The following AGAP1 variants were observed in gnomAD, a reference collection of about 807,000 sequenced individuals.
AGAP1 encodes the protein arf-GAP with GTPase, ANK repeat and PH domain-containing protein 1.
In AGAP1, 29 loss-of-function variants were observed where a neutral mutation model predicts 105.3. The observed-to-expected ratio is 0.28, with a 90% confidence interval of 0.21 to 0.38. AGAP1 has a LOEUF of 0.38. Among genes scored for constraint, AGAP1 ranks in the 10% least tolerant of loss-of-function variants. AGAP1 has a pLI of 1.00. For missense variants in AGAP1, 998 were observed against 1,165.1 expected (o/e 0.86, Z 2.09); for synonymous variants, 509 against 485.9 (o/e 1.05, Z -0.63).
At chr2:235,969,206 C>G (rs778965374) in intron 13 of AGAP1, among the ~76,000 whole-genome samples, 24 of 152,004 alleles carry the variant, frequency 1.6e-4, no homozygotes, top group Non-Finnish European at 2.6e-4. Flanking sequence ...TTTTTATTGC[C>G]ACTGATGGCT....
intron 6 of AGAP1, among the ~76,000 whole-genome samples, chr2:235,795,497 G>C (rs930650310): frequency 6.6e-6 from 1 of 152,034 alleles, no homozygotes; most frequent in African/African-American, 2.4e-5. Flanking sequence ...GATACTTTTT[G>C]TTCTTCATTA....
chr2:235,576,107 A>G (rs1231468024), intron 1 of AGAP1, among the ~76,000 whole-genome samples: 3 of 152,148 alleles, frequency 2.0e-5, no homozygotes, highest in Non-Finnish European at 2.9e-5. Flanking sequence ...CGCTCCCCAG[A>G]GCCCGGTTGC....
intron 1 of AGAP1, among the ~76,000 whole-genome samples, chr2:235,648,729 A>C (rs1264565582): frequency 3.3e-5 from 5 of 151,690 alleles, no homozygotes; most frequent in Non-Finnish European, 5.9e-5. Context: ...AAAAAAAAAA[A>C]AAAAAACATT....
At position 236,125,525 on chromosome 2, in the gene AGAP1, GTC is replaced by G. The variant is rs1256975287; in HGVS notation, c.*1408_*1409del. 1.3e-5 allele frequency: 2 copies of G among 152,308 alleles called. No individual in the cohort carries two copies. Among genetic ancestry groups the G allele is most frequent in the African/African-American group, 2.4e-5 (1 of 41,570 alleles). 9.4% of individuals were successfully genotyped at this position (152,308 alleles called of 1,614,324 possible). ...TTAGAAAGGAAAAAGAAGGAATGTG[GTC>G]TCTCATGATTGAAAGCATGATTTAG... On this transcript the variant is annotated 3_prime_UTR_variant, in exon 18 of 18. Transcript: ENST00000304032. This position sits in a 1 kb window ranked among gnomAD's most constrained non-coding sequence, Gnocchi z 5.2.
rs556785424 is a variant in AGAP1, at chr2:235,541,376, C to CTTTTTTTTT, written c.163+46548_163+46556dup. On this transcript the variant is annotated intron_variant, in intron 1 of 17. Coordinates refer to ENST00000304032, the MANE Select transcript of AGAP1 (RefSeq NM_001037131.3). ...ATTATTTCCTTTTTCCATTCTTATTCTTTTTTTTTTTTTTTTTTTTTTTTT... is the reference window on the plus strand; with the variant it reads ...ATTATTTCCTTTTTCCATTCTTATTCTTTTTTTTTTTTTTTTTTTTTTTTTTTTTTTTTT... Among the ~76,000 whole-genome samples, 68 of 91,092 alleles carry CTTTTTTTTT rather than the reference C, an allele frequency of 7.5e-4. 1 individual carries two copies. Among genetic ancestry groups the CTTTTTTTTT allele is most frequent in the East Asian group, 1.3e-3 (4 of 3,166 alleles). The allele number at this position is 91,092 out of a possible 152,430, so 59.8% of individuals were successfully genotyped here.
chr2:235,874,159 C>T lies in AGAP1; in HGVS notation c.1051-9186C>T, dbSNP rs976672652. ...TGCAACCTCTCCCTCCAACCAATTG[C>T]CCTACCTCAGCCTCCCAAGTAGCTA... On this transcript the variant is annotated intron_variant, in intron 9 of 17. Coordinates refer to ENST00000304032, the MANE Select transcript of AGAP1 (RefSeq NM_001037131.3). The surrounding 1 kb of genome is among the most constrained non-coding windows in gnomAD (Gnocchi z 4.5). Among the ~76,000 whole-genome samples the T allele has an allele frequency of 6.6e-6, 1 of 152,102 alleles. No homozygotes were observed. Among genetic ancestry groups the T allele is most frequent in the Non-Finnish European group, 1.5e-5 (1 of 68,004 alleles).
rs2060049922 is a variant in AGAP1, at chr2:236,129,197, G to A, written c.*5075G>A. 6.6e-6 allele frequency: 1 copy of A among 152,262 alleles called. No homozygotes were observed. Among genetic ancestry groups the A allele is most frequent in the South Asian group, 2.1e-4 (1 of 4,834 alleles). 9.4% of individuals were successfully genotyped at this position (152,262 alleles called of 1,614,324 possible). A position where few individuals can be genotyped will look rare whatever the true frequency, so the allele number is the denominator to read the frequency against. Reference sequence around the variant, plus strand: ...CTTCAGGGAGCCCTTGTGGTCATGTGTCTTTAATGCTGCTCCCCATGCCCC... The same window carrying A: ...CTTCAGGGAGCCCTTGTGGTCATGTATCTTTAATGCTGCTCCCCATGCCCC... On this transcript the variant is annotated 3_prime_UTR_variant, in exon 18 of 18. Coordinates refer to ENST00000304032, the MANE Select transcript of AGAP1 (RefSeq NM_001037131.3). The surrounding 1 kb of genome is among the most constrained non-coding windows in gnomAD (Gnocchi z 6.2).
rs1237041280 is a variant in AGAP1, at chr2:235,689,593, A to G, written c.164-19586A>G. Among the ~76,000 whole-genome samples, 1 of 151,794 alleles carries G rather than the reference A, an allele frequency of 6.6e-6. No homozygotes were observed. Among genetic ancestry groups the G allele is most frequent in the Non-Finnish European group, 1.5e-5 (1 of 68,034 alleles). On this transcript the variant is annotated intron_variant, in intron 1 of 17. Coordinates refer to ENST00000304032, the MANE Select transcript of AGAP1 (RefSeq NM_001037131.3). The surrounding 1 kb of genome is among the most constrained non-coding windows in gnomAD (Gnocchi z 4.2). ...ACTCCCCTCTTGTTTTCATTGTTTC[A>G]GGCAAATAATTTCTGATGGACACCA... is the stretch of plus-strand genomic sequence containing the variant.
chr2:235,859,730 C>T (rs1204365924), intron 9 of AGAP1, among the ~76,000 whole-genome samples: 1 of 152,146 alleles, frequency 6.6e-6, no homozygotes, highest in African/African-American at 2.4e-5. Flanking sequence ...AAAAATCGAG[C>T]TTTGCTGAAT....
At chr2:235,805,172 G>A (rs1259080971) in intron 8 of AGAP1, among the ~76,000 whole-genome samples, 1 of 152,100 alleles carries the variant, frequency 6.6e-6, no homozygotes, top group Admixed American at 6.6e-5. Flanking sequence ...GACTGTCTCC[G>A]GCAAATTGTT....
rs917875681 is a variant in AGAP1, at chr2:235,615,939, A to C, written c.164-93240A>C. 2.0e-5 allele frequency among the ~76,000 whole-genome samples: 3 copies of C among 152,222 alleles called. No individual in the cohort carries two copies. The highest frequency in any genetic ancestry group is 4.8e-5 in the African/African-American group (2 of 41,460). On this transcript the variant is annotated intron_variant, in intron 1 of 17. Transcript: ENST00000304032. This position sits in a 1 kb window ranked among gnomAD's most constrained non-coding sequence, Gnocchi z 5.0. ...TGTCTTCTATATGTAAAGAGTTCTTATAAAACAATAAGAAAAATATTTCCT... is the reference window on the plus strand; with the variant it reads ...TGTCTTCTATATGTAAAGAGTTCTTCTAAAACAATAAGAAAAATATTTCCT...
intron 1 of AGAP1, among the ~76,000 whole-genome samples, chr2:235,561,212 T>A (rs946174183): frequency 6.6e-6 from 1 of 152,198 alleles, no homozygotes; most frequent in African/African-American, 2.4e-5. Flanking sequence ...TTCAGTGAAT[T>A]GTCCACAGAC....
chr2:235,638,415 G>T (rs140065811), intron 1 of AGAP1, among the ~76,000 whole-genome samples: 2 of 152,184 alleles, frequency 1.3e-5, no homozygotes, highest in Non-Finnish European at 2.9e-5. Flanking sequence ...GACTGAAGTC[G>T]TGGGGAAAAC....
chr2:235,842,829 G>A lies in AGAP1; in HGVS notation c.1050+35498G>A, dbSNP rs1323654556. On this transcript the variant is annotated intron_variant, in intron 9 of 17. Coordinates refer to ENST00000304032, the MANE Select transcript of AGAP1 (RefSeq NM_001037131.3). This position sits in a 1 kb window ranked among gnomAD's most constrained non-coding sequence, Gnocchi z 5.3. ...TGCAACCTCTGCCTCCCAGGTTCAAGTGATTCTTCTGCCTCAGCCTCCCGA... is the reference window on the plus strand; with the variant it reads ...TGCAACCTCTGCCTCCCAGGTTCAAATGATTCTTCTGCCTCAGCCTCCCGA... 6.7e-6 allele frequency among the ~76,000 whole-genome samples: 1 copy of A among 149,796 alleles called. No individual in the cohort carries two copies. The highest frequency in any genetic ancestry group is 1.5e-5 in the Non-Finnish European group (1 of 66,888).
rs114202264 is a variant in AGAP1, at chr2:235,545,154, G to T, written c.163+50305G>T. 4.8e-3 allele frequency among the ~76,000 whole-genome samples: 731 copies of T among 152,288 alleles called. 5 individuals are homozygous for T. Among genetic ancestry groups the T allele is most frequent in the African/African-American group, 0.016 (667 of 41,556 alleles). ...GGTCCATGATATGGGCACCTTACAAGTTATTCTAAATAATGGCACTTAGGT... is the reference window on the plus strand; with the variant it reads ...GGTCCATGATATGGGCACCTTACAATTTATTCTAAATAATGGCACTTAGGT... On this transcript the variant is annotated intron_variant, in intron 1 of 17. Transcript: ENST00000304032.
intron 1 of AGAP1, among the ~76,000 whole-genome samples, chr2:235,522,386 A>G (rs866597982): frequency 6.6e-6 from 1 of 152,182 alleles, no homozygotes; most frequent in Non-Finnish European, 1.5e-5. Flanking sequence ...CTCCTCCGTA[A>G]GACGCTCAGC....
chr2:235,685,152 C>CA (rs1292088510), intron 1 of AGAP1, among the ~76,000 whole-genome samples: 16 of 152,066 alleles, frequency 1.1e-4, no homozygotes, highest in Admixed American at 3.9e-4. Flanking sequence ...GCTGGGGACT[C>CA]ACGCCTTGTG....
Position 235,552,341 on chromosome 2 carries a change from T to A in AGAP1, c.163+57492T>A, listed in dbSNP as rs560641427. 4.5e-4 allele frequency among the ~76,000 whole-genome samples: 68 copies of A among 152,310 alleles called. No homozygotes were observed. Among genetic ancestry groups the A allele is most frequent in the South Asian group, 1.2e-3 (6 of 4,820 alleles). On this transcript the variant is annotated intron_variant, in intron 1 of 17. Transcript: ENST00000304032. The surrounding 1 kb of genome is among the most constrained non-coding windows in gnomAD (Gnocchi z 5.9). ...CTGGAAGTAGCTTAGGAAGCCAGGT[T>A]TGGAGTGCTGCCTTGGTGTCGTTAT...
At chr2:235,999,534 A>T (rs970704577) in intron 13 of AGAP1, among the ~76,000 whole-genome samples, 1 of 123,992 alleles carries the variant, frequency 8.1e-6, no homozygotes, top group Admixed American at 7.7e-5. Context: ...GGTGATGATG[A>T]TGATAGTGGT....
Sources: gnomAD v4.1 joint callset for allele counts (sites outside exome capture counted in the v4.1 genomes callset) on GRCh38, gnomAD v4.1.1 for gene constraint, Gnocchi (gnomAD v3.1) non-coding constraint, MANE v1.5 for transcripts, NCBI Gene and HGNC (gene_info 2026-07-23, HGNC 2026-07-21) for gene names.